Variants in KANK1 observed in about 807,000 individuals in gnomAD.
KANK1 encodes the protein KN motif and ankyrin repeat domains 1, also known as KN motif and ankyrin repeat domain-containing protein 1.
Under a neutral mutation model 106.2 loss-of-function variants are expected in KANK1, and 109 were observed. The ratio of observed to expected loss-of-function variants is 1.03; its 90% CI spans 0.88 to 1.20. The LOEUF (loss-of-function observed/expected upper bound fraction) is 1.20. Ranked by LOEUF, KANK1 falls within the 50% of genes most tolerant of loss-of-function variation. The pLI, the probability that KANK1 is intolerant of heterozygous loss-of-function variation, is 0.00. For synonymous variants in KANK1, 873 were observed against 652.2 expected (o/e 1.34, Z -5.16); for missense variants, 2,399 against 1,710.7 (o/e 1.40, Z -7.10).
At position 712,332 on chromosome 9, in the gene KANK1, C is replaced by T. The variant is rs772262872; in HGVS notation, c.1566C>T (p.Thr522=). ...AGGTGGTGGAGGCAGTGGTGCAGAC[C>T]AGAGACCAAATGGTCGGCAGTCACA... ...FSKVVEAVVQ[T]RDQMVGSHMD... The change falls in exon 3 of 12, where the codon ACC becomes ACT. Residue 522 remains threonine (T), a synonymous_variant. Coordinates refer to ENST00000382297, the MANE Select transcript of KANK1 (RefSeq NM_015158.5). The T allele has an allele frequency of 9.3e-6, 15 of 1,614,030 alleles. No homozygotes were observed. The highest frequency in any genetic ancestry group is 1.2e-5 in the Non-Finnish European group (14 of 1,180,036).
chr9:732,865 A>C, intron 6 of KANK1: 3 of 327,140 alleles, frequency 9.2e-6, no homozygotes, highest in Non-Finnish European at 1.1e-5. Flanking sequence ...ATAATTTAAC[A>C]TATGGAACCA....
At chr9:529,552 A>G (rs1011973240) in intron 1 of KANK1, among the ~76,000 whole-genome samples, 2 of 152,168 alleles carry the variant, frequency 1.3e-5, no homozygotes, top group Non-Finnish European at 2.9e-5. Context: ...TCCCTGTGAA[A>G]TCACAGATGA....
At position 739,895 on chromosome 9, in the gene KANK1, G is replaced by A. The variant is rs960253754; in HGVS notation, c.3554-897G>A. 4.6e-5 allele frequency among the ~76,000 whole-genome samples: 7 copies of A among 152,084 alleles called. No homozygotes were observed. The East Asian group carries it at 5.8e-4, about 13-fold the overall frequency. On this transcript the variant is annotated intron_variant, in intron 8 of 11. Transcript: ENST00000382297. ...TGCTAAGGAGCCCCGAAGCGCACAC[G>A]AATTCACCTGCTTCTCCTCCACAGG... is the stretch of plus-strand genomic sequence containing the variant.
Position 516,277 on chromosome 9 carries a change from C to T in KANK1, c.-84+11523C>T, listed in dbSNP as rs994316582. ...TCCAGAGACACCAAACTTTTAACTC[C>T]TTTTGGAGTTATACTTCAGGAGTAG... On this transcript the variant is annotated intron_variant, in intron 1 of 11. Transcript: ENST00000382297. 2.6e-5 allele frequency among the ~76,000 whole-genome samples: 4 copies of T among 151,458 alleles called. No homozygotes were observed. In the East Asian group the frequency reaches 7.7e-4, roughly 29 times the overall value.
Position 730,147 on chromosome 9 carries a change from C to G in KANK1, c.2795C>G (p.Ser932Ter). The G allele has an allele frequency of 6.2e-7, 1 of 1,614,170 alleles. No homozygotes were observed. The highest frequency in any genetic ancestry group is 1.3e-5 in the African/African-American group (1 of 75,038). The change falls in exon 4 of 12, where the codon TCA becomes TGA. Residue 932 changes from serine to a stop codon, truncating the protein, a stop_gained. Coordinates refer to ENST00000382297, the MANE Select transcript of KANK1 (RefSeq NM_015158.5). LOFTEE classifies it high-confidence loss of function. ...CAGCCTGAGCAAGAAGTGGGGACCTCAGAAGGAAAGCCAATCAGCAGCCTG... is the reference window on the plus strand; with the variant it reads ...CAGCCTGAGCAAGAAGTGGGGACCTGAGAAGGAAAGCCAATCAGCAGCCTG... ...TSQPEQEVGT[S>*]EGKPISSLDA...
intron 2 of KANK1, among the ~76,000 whole-genome samples, chr9:678,562 C>G (rs1008138989): frequency 2.0e-4 from 30 of 151,984 alleles, no homozygotes; most frequent in African/African-American, 7.0e-4. Flanking sequence ...AACCCCATCT[C>G]TACAAAAATA....
At chr9:507,529 A>G (rs1273302282) in intron 1 of KANK1, among the ~76,000 whole-genome samples, 1 of 150,400 alleles carries the variant, frequency 6.6e-6, no homozygotes, top group Non-Finnish European at 1.5e-5. Context: ...AGCTGGGATT[A>G]CAGGCACCTG....
At chr9:701,635 C>G (rs1822696871) in intron 2 of KANK1, among the ~76,000 whole-genome samples, 1 of 152,056 alleles carries the variant, frequency 6.6e-6, no homozygotes, top group South Asian at 2.1e-4. Flanking sequence ...CAATAAATAT[C>G]TTCAGGCATT....
intron 1 of KANK1, among the ~76,000 whole-genome samples, chr9:587,926 C>T (rs546577758): frequency 3.3e-5 from 5 of 152,072 alleles, no homozygotes; most frequent in East Asian, 3.9e-4. Flanking sequence ...ATTAGCTGGG[C>T]GTGGTGGCAC....
intron 1 of KANK1, among the ~76,000 whole-genome samples, chr9:541,899 C>T (rs1250268691): frequency 6.6e-6 from 1 of 151,562 alleles, no homozygotes; most frequent in African/African-American, 2.4e-5. Flanking sequence ...ACCATCCTGG[C>T]TAACACGGTG....
intron 1 of KANK1, among the ~76,000 whole-genome samples, chr9:513,513 A>G (rs1353571595): frequency 6.6e-6 from 1 of 152,180 alleles, no homozygotes; most frequent in Non-Finnish European, 1.5e-5. Flanking sequence ...CCCTTTTTAT[A>G]ATTATCATCC....
intron 1 of KANK1, among the ~76,000 whole-genome samples, chr9:578,780 G>A (rs1355309875): frequency 1.3e-5 from 2 of 152,064 alleles, no homozygotes; most frequent in African/African-American, 4.8e-5. Context: ...TACCAGTTCT[G>A]TCAGAAAACT....
At chr9:494,470 C>G (rs1304507664) in intron 3 of KANK1, among the ~76,000 whole-genome samples, 1 of 152,092 alleles carries the variant, frequency 6.6e-6, no homozygotes, top group Non-Finnish European at 1.5e-5. Flanking sequence ...CCCTTTTGTA[C>G]CTGGTTTGGT....
intron 1 of KANK1, among the ~76,000 whole-genome samples, chr9:582,440 C>T (rs765354819): frequency 6.6e-6 from 1 of 152,076 alleles, no homozygotes; most frequent in Non-Finnish European, 1.5e-5. Flanking sequence ...AATGGGTAGT[C>T]TAGTTCTGTT....
rs183961424 is a variant in KANK1, at chr9:621,603, T to A, written c.-83-55287T>A. Among the ~76,000 whole-genome samples the A allele has an allele frequency of 1.7e-4, 26 of 152,298 alleles. No homozygotes were observed. The East Asian group carries it at 4.0e-3, about 24-fold the overall frequency. The stretch of plus-strand genomic sequence containing the variant: ...TTAGAGTTTTTCTTTGTTTTCTAAG[T>A]CTGAAACTTGATAATCCATTTCTGC... On this transcript the variant is annotated intron_variant, in intron 1 of 11. Coordinates refer to ENST00000382297, the MANE Select transcript of KANK1 (RefSeq NM_015158.5).
chr9:613,559 G>T (rs925329016), intron 1 of KANK1, among the ~76,000 whole-genome samples: 2 of 151,956 alleles, frequency 1.3e-5, no homozygotes, highest in African/African-American at 2.4e-5. Context: ...CAAAACGTTG[G>T]ACTCCCCTGC....
intron 3 of KANK1, among the ~76,000 whole-genome samples, chr9:719,259 G>A (rs924243699): frequency 6.6e-5 from 10 of 152,172 alleles, no homozygotes; most frequent in African/African-American, 1.7e-4. Context: ...GAGCCAGCGC[G>A]CCCGGCCTCA....
intron 1 of KANK1, among the ~76,000 whole-genome samples, chr9:668,307 A>G (rs1039682765): frequency 1.3e-5 from 2 of 152,062 alleles, no homozygotes; most frequent in Non-Finnish European, 2.9e-5. Context: ...TTCATTGGTG[A>G]AAATGGGGTA....
intron 1 of KANK1, among the ~76,000 whole-genome samples, chr9:583,746 C>T (rs1361153826): frequency 4.0e-5 from 6 of 150,670 alleles, no homozygotes; most frequent in African/African-American, 1.5e-4. Context: ...TTATTAATAT[C>T]CTGGATATAT....
Sources: gnomAD v4.1 joint callset for allele counts (sites outside exome capture counted in the v4.1 genomes callset) on GRCh38, gnomAD v4.1.1 for gene constraint, MANE v1.5 for transcripts, NCBI Gene and HGNC (gene_info 2026-07-23, HGNC 2026-07-21) for gene names.